Variants in DST observed in about 807,000 individuals in gnomAD.
DST encodes bullous pemphigoid antigen.
DST carries 253 observed loss-of-function variants against 875.2 expected under a neutral mutation model. The ratio of observed to expected loss-of-function variants is 0.29; its 90% CI spans 0.26 to 0.32. The LOEUF is 0.32. Among genes scored for constraint, DST ranks in the 10% least tolerant of loss-of-function variants. DST has a pLI of 1.00. For missense variants in DST, 8,287 were observed against 9,111.6 expected, an observed-to-expected ratio of 0.91 and a Z score of 3.68; for synonymous variants, 3,124 against 3,197.1, an observed-to-expected ratio of 0.98 and a Z score of 0.77.
At chr6:56,736,794 T>C (rs893741039) in intron 4 of DST, among the ~76,000 whole-genome samples, 11 of 152,204 alleles carry the variant, frequency 7.2e-5, no homozygotes, top group Admixed American at 6.5e-5. Context: ...CAAATGTTAC[T>C]ATTATGAAAA....
chr6:56,732,171 C>G (rs1480827894), intron 5 of DST, among the ~76,000 whole-genome samples: 3 of 152,038 alleles, frequency 2.0e-5, no homozygotes, highest in Non-Finnish European at 4.4e-5. Context: ...CGAAAAGGAC[C>G]CTCTTCTAAG....
At chr6:56,493,892 T>C (rs1276843707) in intron 83 of DST, 118 bp downstream of exon 83, 9 of 747,064 alleles carry the variant, frequency 1.2e-5, no homozygotes, top group Non-Finnish European at 1.7e-5. Flanking sequence ...ATACAAAAAA[T>C]GTTTAAACAT....
chr6:56,739,056 T>C (rs1317351959), intron 4 of DST, among the ~76,000 whole-genome samples: 2 of 150,300 alleles, frequency 1.3e-5, no homozygotes, highest in Non-Finnish European at 3.0e-5. Context: ...AATTCCTCTA[T>C]TGGCCCCTTA....
intron 4 of DST, among the ~76,000 whole-genome samples, chr6:56,820,102 T>C (rs1471714995): frequency 6.6e-6 from 1 of 152,216 alleles, no homozygotes; most frequent in African/African-American, 2.4e-5. Flanking sequence ...TAGAAACAGA[T>C]GGCCTGGTTT....
At chr6:56,546,372 A>G (rs2097224142) in intron 61 of DST, among the ~76,000 whole-genome samples, 1 of 137,058 alleles carries the variant, frequency 7.3e-6, no homozygotes, top group African/African-American at 2.6e-5. Flanking sequence ...ATATATATAT[A>G]TATATATATA....
intron 4 of DST, 97 bp from the exon 5 acceptor site, chr6:56,735,386 G>T: frequency 1.3e-6 from 1 of 782,834 alleles, no homozygotes; most frequent in Non-Finnish European, 2.1e-6. Flanking sequence ...ATATTTAAAA[G>T]ATATGCTTCA....
intron 61 of DST, among the ~76,000 whole-genome samples, chr6:56,550,861 T>C (rs1159630418): frequency 6.6e-6 from 1 of 152,168 alleles, no homozygotes; most frequent in African/African-American, 2.4e-5. Context: ...GCTCCCAAGA[T>C]CTCTCCCAGT....
chr6:56,899,985 C>T (rs1404226606), intron 3 of DST, among the ~76,000 whole-genome samples: 2 of 152,198 alleles, frequency 1.3e-5, no homozygotes, highest in African/African-American at 4.8e-5. Flanking sequence ...GGCTCAAGAG[C>T]CTCCAGGAGG....
intron 4 of DST, among the ~76,000 whole-genome samples, chr6:56,764,592 C>T (rs943289457): frequency 1.3e-5 from 2 of 152,020 alleles, no homozygotes; most frequent in Non-Finnish European, 2.9e-5. Flanking sequence ...GCCTAGCTGA[C>T]AGAAGACATT....
intron 4 of DST, among the ~76,000 whole-genome samples, chr6:56,808,168 C>T (rs1395201284): frequency 6.6e-6 from 1 of 152,048 alleles, no homozygotes; most frequent in Non-Finnish European, 1.5e-5. Context: ...CAAGTAACAC[C>T]CCATGACTTC....
At chr6:56,579,808 T>C (rs1369813166) in intron 49 of DST, among the ~76,000 whole-genome samples, 13 of 152,316 alleles carry the variant, frequency 8.5e-5, no homozygotes, top group African/African-American at 2.4e-4. Context: ...TTTTATCCCA[T>C]AGCAATGGGG....
intron 4 of DST, among the ~76,000 whole-genome samples, chr6:56,821,049 C>T (rs1201928718): frequency 6.6e-6 from 1 of 152,148 alleles, no homozygotes; most frequent in African/African-American, 2.4e-5. Flanking sequence ...AATATGGAGG[C>T]CACCTTAAGG....
At chr6:56,908,719 G>A (rs375504602) in intron 2 of DST, among the ~76,000 whole-genome samples, 1 of 152,120 alleles carries the variant, frequency 6.6e-6, no homozygotes, top group Non-Finnish European at 1.5e-5. Flanking sequence ...GATACGGGTC[G>A]TAAAGACCTT....
intron 2 of DST, among the ~76,000 whole-genome samples, chr6:56,904,681 T>C (rs1009231031): frequency 2.6e-5 from 4 of 152,192 alleles, no homozygotes; most frequent in Non-Finnish European, 5.9e-5. Flanking sequence ...CCTTGATTTA[T>C]GACACTTTCT....
At chr6:56,783,202 T>C (rs1015224928) in intron 4 of DST, among the ~76,000 whole-genome samples, 1 of 152,200 alleles carries the variant, frequency 6.6e-6, no homozygotes, top group Admixed American at 6.5e-5. Context: ...TATATTCTGT[T>C]GATTTGGGGT....
intron 9 of DST, among the ~76,000 whole-genome samples, chr6:56,686,626 T>C (rs2099189065): frequency 6.6e-6 from 1 of 152,198 alleles, no homozygotes; most frequent in East Asian, 1.9e-4. Context: ...ACATAATAGA[T>C]ACTTAGTAAA....
At chr6:56,648,784 T>A in intron 12 of DST, 95 bp from the exon 13 acceptor site, 1 of 1,078,374 alleles carries the variant, frequency 9.3e-7, no homozygotes. Context: ...TAAATGTATG[T>A]ATTTGAAGCC....
At chr6:56,692,590 G>C (rs1407065644) in intron 9 of DST, 3 of 1,289,780 alleles carry the variant, frequency 2.3e-6, no homozygotes, top group Non-Finnish European at 3.0e-6. Context: ...CGAGGGAATA[G>C]AGCTTAAGCT....
chr6:56,818,949 C>T lies in DST; in HGVS notation c.625+32448G>A, dbSNP rs566055297. On this transcript the variant is annotated intron_variant, in intron 4 of 103. Coordinates refer to ENST00000680361, the MANE Select transcript of DST (RefSeq NM_001374736.1). ...GTATACACTTAGCACTGGGTCTGAC[C>T]CTGGATCATCATTCAATCAATGTTT... Among the ~76,000 whole-genome samples, 5 of 152,186 alleles carry T rather than the reference C, an allele frequency of 3.3e-5. No homozygotes were observed. In the East Asian group the frequency reaches 9.7e-4, roughly 29 times the overall value.
Sources: gnomAD v4.1 joint callset for allele counts (sites outside exome capture counted in the v4.1 genomes callset) on GRCh38, gnomAD v4.1.1 for gene constraint, MANE v1.5 for transcripts, NCBI Gene and HGNC (gene_info 2026-07-23, HGNC 2026-07-21) for gene names.